The following RAB38 variants were observed in gnomAD, a reference collection of about 807,000 sequenced individuals.
RAB38 encodes the protein ras-related protein Rab-38.
Under a neutral mutation model 18.4 loss-of-function variants are expected in RAB38, and 15 were observed. The ratio of observed to expected loss-of-function variants is 0.82; its 90% CI spans 0.55 to 1.26. The LOEUF is 1.26. Among genes scored for constraint, RAB38 ranks in the 50% most tolerant of loss-of-function variants. The pLI, the probability that RAB38 is intolerant of heterozygous loss-of-function variation, is 0.00. For synonymous variants in RAB38, 101 were observed against 104.4 expected (o/e 0.97, Z 0.20); for missense variants, 294 against 267.4 (o/e 1.10, Z -0.69).
the RAB38 span, among the ~76,000 whole-genome samples, chr11:87,854,130 T>TTTTTTG: frequency 3.8e-4 from 1 of 2,624 alleles, no homozygotes; most frequent in Admixed American, 5.5e-3. Context: ...CCTGCAAAGG[T>TTTTTTG]TTTTGTTTTG....
At chr11:88,128,996 T>C (rs1436962857) in intron 2 of RAB38, among the ~76,000 whole-genome samples, 1 of 152,218 alleles carries the variant, frequency 6.6e-6, no homozygotes, top group Non-Finnish European at 1.5e-5. Flanking sequence ...CCCTCAGTTG[T>C]ATTTACTATA....
chr11:88,045,766 G>C, the RAB38 span, among the ~76,000 whole-genome samples: 1 of 152,120 alleles, frequency 6.6e-6, no homozygotes, highest in African/African-American at 2.4e-5. Flanking sequence ...CAATACGAAG[G>C]CTACCCACTC....
At chr11:88,140,104 T>C (rs909149701) in intron 2 of RAB38, among the ~76,000 whole-genome samples, 5 of 152,250 alleles carry the variant, frequency 3.3e-5, no homozygotes, top group African/African-American at 1.2e-4. Flanking sequence ...GAATGTTATG[T>C]GGCATTGCCA....
the RAB38 span, among the ~76,000 whole-genome samples, chr11:87,852,528 T>C: frequency 3.9e-5 from 6 of 152,168 alleles, no homozygotes; most frequent in Non-Finnish European, 8.8e-5. Context: ...TCTTTCTCGA[T>C]ACTGATCTAG....
intron 2 of RAB38, among the ~76,000 whole-genome samples, chr11:88,116,946 A>G (rs1942562357): frequency 6.6e-6 from 1 of 152,212 alleles, no homozygotes; most frequent in African/African-American, 2.4e-5. Context: ...TCATTATGAG[A>G]AAAAGAACTG....
At chr11:87,892,301 C>G in the RAB38 span, among the ~76,000 whole-genome samples, 1 of 151,860 alleles carries the variant, frequency 6.6e-6, no homozygotes, top group Non-Finnish European at 1.5e-5. Flanking sequence ...CCAAACACAT[C>G]TAACTAATTA....
chr11:87,838,009 C>T, the RAB38 span, among the ~76,000 whole-genome samples: 2 of 152,138 alleles, frequency 1.3e-5, no homozygotes, highest in African/African-American at 4.8e-5. Flanking sequence ...TTAATAAATA[C>T]TTGGTTACTC....
At chr11:87,843,398 T>A in the RAB38 span, among the ~76,000 whole-genome samples, 1 of 152,208 alleles carries the variant, frequency 6.6e-6, no homozygotes, top group African/African-American at 2.4e-5. Flanking sequence ...GTTTTACATA[T>A]CTGCCCAGAT....
At chr11:87,905,184 GATATT>G in the RAB38 span, among the ~76,000 whole-genome samples, 2 of 151,420 alleles carry the variant, frequency 1.3e-5, no homozygotes, top group Non-Finnish European at 3.0e-5. Context: ...TGTTATTTTA[GATATT>G]ATATTTTCAA....
chr11:88,167,804 A>C (rs1025307265), intron 1 of RAB38: 12 of 152,294 alleles, frequency 7.9e-5, no homozygotes, highest in Admixed American at 3.9e-4. Flanking sequence ...GCCAAGTTGA[A>C]GGACATCAGT....
At chr11:87,951,010 C>T in the RAB38 span, among the ~76,000 whole-genome samples, 11 of 152,312 alleles carry the variant, frequency 7.2e-5, no homozygotes, top group East Asian at 1.7e-3. Flanking sequence ...CTCCCTGTCA[C>T]TTTCAGGTAC....
chr11:87,956,301 C>G, the RAB38 span, among the ~76,000 whole-genome samples: 2 of 152,090 alleles, frequency 1.3e-5, no homozygotes, highest in Admixed American at 1.3e-4. Context: ...AGCTATTGTT[C>G]TTATTATAAA....
chr11:88,007,282 A>T, the RAB38 span, among the ~76,000 whole-genome samples: 1 of 151,866 alleles, frequency 6.6e-6, no homozygotes, highest in Non-Finnish European at 1.5e-5. Context: ...TTAAGAATTA[A>T]TTTTTCTCAT....
At chr11:88,171,222 T>C (rs952664384) in intron 1 of RAB38, among the ~76,000 whole-genome samples, 1 of 152,172 alleles carries the variant, frequency 6.6e-6, no homozygotes, top group South Asian at 2.1e-4. Context: ...AAGATGCAGG[T>C]ATTGTTATTA....
At chr11:87,897,747 AAT>A in the RAB38 span, among the ~76,000 whole-genome samples, 1 of 151,682 alleles carries the variant, frequency 6.6e-6, no homozygotes, top group African/African-American at 2.4e-5. Context: ...AAATGAGATG[AAT>A]AGTTTCCTCT....
the RAB38 span, among the ~76,000 whole-genome samples, chr11:88,042,036 A>T: frequency 1.3e-5 from 2 of 152,204 alleles, no homozygotes; most frequent in East Asian, 3.8e-4. Context: ...ATTGGGGTTT[A>T]GGGAGGCATA....
At chr11:88,173,707 CAG>C in intron 1 of RAB38, 4 of 985,214 alleles carry the variant, frequency 4.1e-6, no homozygotes, top group Non-Finnish European at 4.8e-6. Flanking sequence ...AGAAAGTACA[CAG>C]AGAGAATTTT....
the RAB38 span, among the ~76,000 whole-genome samples, chr11:87,920,934 A>G: frequency 6.6e-6 from 1 of 152,038 alleles, no homozygotes; most frequent in African/African-American, 2.4e-5. Context: ...TGGGTAATCT[A>G]TAATTAGAGA....
the RAB38 span, among the ~76,000 whole-genome samples, chr11:88,004,553 G>A: frequency 3.3e-5 from 5 of 151,112 alleles, no homozygotes; most frequent in Non-Finnish European, 7.4e-5. Flanking sequence ...AGGATCAAAC[G>A]CTATCCATCT....
Sources: gnomAD v4.1 joint callset for allele counts (sites outside exome capture counted in the v4.1 genomes callset) on GRCh38, gnomAD v4.1.1 for gene constraint, MANE v1.5 for transcripts, NCBI Gene and HGNC (gene_info 2026-07-23, HGNC 2026-07-21) for gene names.